Variants in CORIN observed in about 807,000 individuals in gnomAD.
CORIN encodes the protein atrial natriuretic peptide-converting enzyme.
CORIN carries 117 observed loss-of-function variants against 125.3 expected under a neutral mutation model. The ratio of observed to expected loss-of-function variants is 0.93; its 90% confidence interval spans 0.80 to 1.09. CORIN has a LOEUF of 1.09. CORIN is among the 50% of genes least tolerant of loss of function. CORIN has a pLI of 0.00. For synonymous variants in CORIN, 450 were observed against 466.4 expected (o/e 0.96, Z 0.45); for missense variants, 1,253 against 1,306.7 (o/e 0.96, Z 0.63).
At chr4:47,660,790 T>C (rs1691142003) in intron 12 of CORIN, among the ~76,000 whole-genome samples, 1 of 152,052 alleles carries the variant, frequency 6.6e-6, no homozygotes, top group African/African-American at 2.4e-5. Context: ...AAACTAAAAG[T>C]AGACCTAATA....
At chr4:47,605,508 G>A (rs1721614194) in intron 19 of CORIN, among the ~76,000 whole-genome samples, 2 of 152,112 alleles carry the variant, frequency 1.3e-5, no homozygotes, top group Admixed American at 6.5e-5. Flanking sequence ...GACATTTATT[G>A]GACCACATTG....
At chr4:47,607,019 A>G (rs896832824) in intron 19 of CORIN, among the ~76,000 whole-genome samples, 2 of 152,252 alleles carry the variant, frequency 1.3e-5, no homozygotes, top group South Asian at 2.1e-4. Flanking sequence ...ATTCCAAATT[A>G]TTTGTAACAA....
chr4:47,827,354 A>G (rs761401261), intron 1 of CORIN, among the ~76,000 whole-genome samples: 1 of 152,352 alleles, frequency 6.6e-6, no homozygotes, highest in Non-Finnish European at 1.5e-5. Flanking sequence ...ATGCATTCTA[A>G]TAAAGCATTT....
intron 5 of CORIN, among the ~76,000 whole-genome samples, chr4:47,727,416 T>C (rs62299228): frequency 0.092 from 14,014 of 152,154 alleles, 788 homozygotes; most frequent in East Asian, 0.27. Flanking sequence ...AATTCTAATA[T>C]GTGTCACATT....
At chr4:47,669,816 G>A (rs371345465) in intron 10 of CORIN, among the ~76,000 whole-genome samples, 5 of 152,108 alleles carry the variant, frequency 3.3e-5, no homozygotes, top group East Asian at 3.9e-4. Context: ...TGATCTGCCC[G>A]CCTCGGCCTC....
chr4:47,802,466 G>A (rs565056863), intron 2 of CORIN, among the ~76,000 whole-genome samples: 1 of 152,294 alleles, frequency 6.6e-6, no homozygotes, highest in South Asian at 2.1e-4. Context: ...CATCAGTGGT[G>A]GCCTGGCAAA....
chr4:47,600,139 G>A lies in CORIN; in HGVS notation c.2946+75C>T, dbSNP rs868350209. On this transcript the variant is annotated intron_variant, in intron 21 of 21. Coordinates refer to ENST00000273857, the MANE Select transcript of CORIN (RefSeq NM_006587.4). ...AAAAAATGTTTCCAAAGGGCCATAC[G>A]TAATAATGAGTTTATAGGAATCCAC... is the stretch of plus-strand genomic sequence containing the variant. The A allele has an allele frequency of 5.0e-5, 66 of 1,315,102 alleles. No homozygotes were observed. In the Middle Eastern group the frequency reaches 2.3e-3, roughly 46 times the overall value. 81.5% of individuals were successfully genotyped at this position (1,315,102 alleles called of 1,614,324 possible).
chr4:47,622,612 AT>A (rs1197298350), intron 19 of CORIN, among the ~76,000 whole-genome samples: 1 of 151,910 alleles, frequency 6.6e-6, no homozygotes, highest in African/African-American at 2.4e-5. Flanking sequence ...GATGATGAGC[AT>A]TTTTTCATGT....
intron 1 of CORIN, among the ~76,000 whole-genome samples, chr4:47,816,755 A>G (rs538114756): frequency 2.0e-5 from 3 of 152,252 alleles, no homozygotes; most frequent in South Asian, 2.1e-4. Context: ...ACAATTTTTC[A>G]CTGATGGACT....
intron 5 of CORIN, chr4:47,706,560 G>C (rs1560513757): frequency 1.2e-6 from 2 of 1,609,526 alleles, no homozygotes; most frequent in Admixed American, 1.7e-5. Context: ...TTATACATAG[G>C]ATTTGTGTTA....
chr4:47,618,331 T>TC (rs776745624), intron 19 of CORIN, among the ~76,000 whole-genome samples: 13 of 28,746 alleles, frequency 4.5e-4, no homozygotes, highest in Non-Finnish European at 8.5e-4. Flanking sequence ...TGAAACTCCA[T>TC]CAAAAAAAAA....
chr4:47,717,158 GT>G (rs770056710), intron 5 of CORIN, among the ~76,000 whole-genome samples: 1 of 152,066 alleles, frequency 6.6e-6, no homozygotes, highest in Non-Finnish European at 1.5e-5. Context: ...CAGAACCACA[GT>G]TTTTTCTCTT....
chr4:47,697,860 A>T (rs1726090326), intron 5 of CORIN, among the ~76,000 whole-genome samples: 1 of 152,098 alleles, frequency 6.6e-6, no homozygotes, highest in Non-Finnish European at 1.5e-5. Context: ...TTAGAAGTAC[A>T]GTATTTCCAT....
intron 10 of CORIN, among the ~76,000 whole-genome samples, chr4:47,668,333 C>G (rs546510741): frequency 2.0e-5 from 3 of 152,350 alleles, no homozygotes; most frequent in Non-Finnish European, 2.9e-5. Context: ...TGCAAGCCAA[C>G]AGAAGGCTTT....
intron 21 of CORIN, among the ~76,000 whole-genome samples, 167 bp downstream of exon 21, chr4:47,600,047 T>C (rs1430536308): frequency 6.6e-6 from 1 of 152,198 alleles, no homozygotes; most frequent in Non-Finnish European, 1.5e-5. Context: ...ATTGTGGGGA[T>C]TGCTTGTGTA....
At chr4:47,821,900 T>G (rs1384065671) in intron 1 of CORIN, among the ~76,000 whole-genome samples, 3 of 152,224 alleles carry the variant, frequency 2.0e-5, no homozygotes, top group Admixed American at 2.0e-4. Context: ...CTAGCTTTCA[T>G]GTATCAACTT....
intron 2 of CORIN, among the ~76,000 whole-genome samples, chr4:47,788,420 A>T (rs766563813): frequency 6.6e-6 from 1 of 152,192 alleles, no homozygotes; most frequent in Non-Finnish European, 1.5e-5. Context: ...TTGAAGCATA[A>T]AAGCTAAATC....
intron 2 of CORIN, among the ~76,000 whole-genome samples, chr4:47,790,880 T>C (rs1489145987): frequency 1.3e-5 from 2 of 152,042 alleles, no homozygotes; most frequent in African/African-American, 4.8e-5. Flanking sequence ...ATTAAGATAG[T>C]CTGGCTCAAA....
intron 5 of CORIN, among the ~76,000 whole-genome samples, chr4:47,737,327 A>G (rs1323368505): frequency 6.6e-6 from 1 of 152,186 alleles, no homozygotes; most frequent in Non-Finnish European, 1.5e-5. Flanking sequence ...CGATCTGGCC[A>G]TATATGTCTA....
Sources: gnomAD v4.1 joint callset for allele counts (sites outside exome capture counted in the v4.1 genomes callset) on GRCh38, gnomAD v4.1.1 for gene constraint, MANE v1.5 for transcripts, NCBI Gene and HGNC (gene_info 2026-07-23, HGNC 2026-07-21) for gene names.